The following CSMD3 variants were observed in gnomAD, a reference collection of about 807,000 sequenced individuals.
CSMD3 encodes the protein CUB and sushi domain-containing protein 3.
CSMD3 carries 177 observed loss-of-function variants against 435.2 expected under a neutral mutation model. The ratio of observed to expected loss-of-function variants is 0.41; its 90% CI spans 0.36 to 0.46. The LOEUF (loss-of-function observed/expected upper bound fraction) is 0.46, where lower values mean the gene tolerates loss of function less well. Among genes scored for constraint, CSMD3 ranks in the 20% least tolerant of loss-of-function variants. The pLI, the probability that CSMD3 is intolerant of heterozygous loss-of-function variation, is 0.34. For synonymous variants in CSMD3, 1,656 were observed against 1,520.5 expected (o/e 1.09, Z -2.07); for missense variants, 4,265 against 4,504.6 (o/e 0.95, Z 1.52).
At chr8:112,525,791 T>C (rs58408783) in intron 27 of CSMD3, among the ~76,000 whole-genome samples, 1 of 132,114 alleles carries the variant, frequency 7.6e-6, no homozygotes, top group African/African-American at 3.1e-5. Flanking sequence ...TGTGTATATA[T>C]ATATGTATAT....
intron 36 of CSMD3, among the ~76,000 whole-genome samples, chr8:112,390,165 G>A (rs1480375553): frequency 2.0e-5 from 3 of 152,144 alleles, no homozygotes; most frequent in Non-Finnish European, 4.4e-5. Context: ...AAAACAGGAG[G>A]GAAAGTCTGC....
chr8:113,276,178 T>C (rs1588426017), intron 3 of CSMD3, among the ~76,000 whole-genome samples: 1 of 152,072 alleles, frequency 6.6e-6, no homozygotes, highest in East Asian at 1.9e-4. Flanking sequence ...AAAATGTATC[T>C]CTGGAACTTG....
chr8:112,660,519 C>T (rs2075355302), intron 17 of CSMD3, among the ~76,000 whole-genome samples: 1 of 152,074 alleles, frequency 6.6e-6, no homozygotes, highest in Non-Finnish European at 1.5e-5. Flanking sequence ...ACCTCATACC[C>T]TTAAAAGGTC....
At chr8:112,431,463 C>T (rs759054381) in intron 32 of CSMD3, among the ~76,000 whole-genome samples, 1 of 151,952 alleles carries the variant, frequency 6.6e-6, no homozygotes, top group Non-Finnish European at 1.5e-5. Context: ...ATAAAACATA[C>T]AGTACACTAA....
chr8:113,234,939 A>G (rs2093130462), intron 3 of CSMD3, among the ~76,000 whole-genome samples: 1 of 152,106 alleles, frequency 6.6e-6, no homozygotes, highest in Non-Finnish European at 1.5e-5. Flanking sequence ...TGGTTCGACC[A>G]TGCCACCAGC....
chr8:112,487,500 C>A (rs1820255061), intron 31 of CSMD3, among the ~76,000 whole-genome samples: 1 of 152,082 alleles, frequency 6.6e-6, no homozygotes, highest in Admixed American at 6.6e-5. Context: ...TGTGTATGAG[C>A]AGATGAAGTA....
intron 6 of CSMD3, among the ~76,000 whole-genome samples, chr8:112,979,614 G>A (rs2084974168): frequency 6.6e-6 from 1 of 151,258 alleles, no homozygotes; most frequent in Non-Finnish European, 1.5e-5. Flanking sequence ...AATGTTAAAA[G>A]GATACTTTAC....
intron 13 of CSMD3, among the ~76,000 whole-genome samples, chr8:112,763,146 C>T (rs1360979601): frequency 6.6e-6 from 1 of 151,306 alleles, no homozygotes; most frequent in African/African-American, 2.4e-5. Context: ...AATATCATGT[C>T]GTAGATGATA....
chr8:113,269,623 T>C (rs1385342407), intron 3 of CSMD3, among the ~76,000 whole-genome samples: 2 of 151,606 alleles, frequency 1.3e-5, no homozygotes, highest in African/African-American at 4.9e-5. Context: ...TATAGACCAA[T>C]GGAACAGAAC....
At chr8:112,882,440 C>A (rs1312329805) in intron 10 of CSMD3, among the ~76,000 whole-genome samples, 1 of 152,004 alleles carries the variant, frequency 6.6e-6, no homozygotes, top group East Asian at 1.9e-4. Flanking sequence ...GCTTCCTTTG[C>A]ACATGGATTC....
chr8:112,958,112 C>G (rs996678592), intron 7 of CSMD3, among the ~76,000 whole-genome samples: 1 of 151,774 alleles, frequency 6.6e-6, no homozygotes, highest in African/African-American at 2.4e-5. Flanking sequence ...CTTTATTGAT[C>G]GTGAACTATG....
chr8:112,899,352 A>G (rs2130417682), intron 10 of CSMD3, among the ~76,000 whole-genome samples: 1 of 150,726 alleles, frequency 6.6e-6, no homozygotes, highest in Middle Eastern at 3.4e-3. Flanking sequence ...TGAAATTATC[A>G]TATTGGTCTA....
chr8:112,629,233 GCT>G (rs146030426), intron 22 of CSMD3, among the ~76,000 whole-genome samples: 36,253 of 151,708 alleles, frequency 0.24, 4,635 homozygotes, highest in African/African-American at 0.33. Flanking sequence ...ACAGCATCTT[GCT>G]CTGTTGCCCA....
chr8:112,990,316 A>T (rs989312326), intron 6 of CSMD3, among the ~76,000 whole-genome samples: 2 of 151,984 alleles, frequency 1.3e-5, no homozygotes, highest in African/African-American at 4.8e-5. Context: ...AGCTGACTGT[A>T]ACTACACATG....
At chr8:112,909,933 A>T (rs1204247769) in intron 10 of CSMD3, among the ~76,000 whole-genome samples, 5 of 151,738 alleles carry the variant, frequency 3.3e-5, no homozygotes, top group African/African-American at 1.2e-4. Flanking sequence ...CACTGCATCA[A>T]ACTTCCACTT....
chr8:112,543,318 G>C (rs1407631652), intron 27 of CSMD3, among the ~76,000 whole-genome samples: 1 of 151,986 alleles, frequency 6.6e-6, no homozygotes, highest in Non-Finnish European at 1.5e-5. Flanking sequence ...GCTATGGAAT[G>C]GGAGAAAATA....
chr8:112,713,151 G>C (rs1186443962), intron 13 of CSMD3, among the ~76,000 whole-genome samples: 1 of 152,036 alleles, frequency 6.6e-6, no homozygotes, highest in Non-Finnish European at 1.5e-5. Context: ...CATGGGGCAG[G>C]GGAGATCCCA....
intron 18 of CSMD3, among the ~76,000 whole-genome samples, chr8:112,655,753 C>T (rs2075241504): frequency 6.6e-6 from 1 of 151,622 alleles, no homozygotes; most frequent in Non-Finnish European, 1.5e-5. Flanking sequence ...AAAATATGTG[C>T]AATTAGTGTG....
Position 113,359,297 on chromosome 8 carries a change from G to C in CSMD3, c.179-44504C>G, listed in dbSNP as rs555353208. On this transcript the variant is annotated intron_variant, in intron 1 of 70. Coordinates refer to ENST00000297405, the MANE Select transcript of CSMD3 (RefSeq NM_198123.2). ...AGAAGTAGTCATTACATCCCAAGTAGGCTTCAAGTTTTTCATCTGAAAAGT... is the reference window on the plus strand; with the variant it reads ...AGAAGTAGTCATTACATCCCAAGTACGCTTCAAGTTTTTCATCTGAAAAGT... Among the ~76,000 whole-genome samples, 7 of 152,216 alleles carry C rather than the reference G, an allele frequency of 4.6e-5. No individual in the cohort carries two copies. The South Asian group carries it at 1.0e-3, about 23-fold the overall frequency.
Sources: gnomAD v4.1 joint callset for allele counts (sites outside exome capture counted in the v4.1 genomes callset) on GRCh38, gnomAD v4.1.1 for gene constraint, MANE v1.5 for transcripts, NCBI Gene and HGNC (gene_info 2026-07-23, HGNC 2026-07-21) for gene names.